IGSF10: variants seen among roughly 807,000 people sequenced by gnomAD.
IGSF10 encodes the protein immunoglobulin superfamily member 10, also known as calvaria mechanical force protein 608.
In IGSF10, 126 loss-of-function variants were observed where a neutral mutation model predicts 128.2. The ratio of observed to expected loss-of-function variants is 0.98; its 90% CI spans 0.85 to 1.14. The LOEUF (loss-of-function observed/expected upper bound fraction) is 1.14, where lower values mean the gene tolerates loss of function less well. Ranked by LOEUF, IGSF10 falls within the 50% of genes most tolerant of loss-of-function variation. The probability of loss-of-function intolerance (pLI) is 0.00; values close to 1 mark genes in which losing one functional copy is unlikely to be tolerated. For synonymous variants in IGSF10, 1,185 were observed against 1,146.2 expected (o/e 1.03, Z -0.68); for missense variants, 3,295 against 3,149.8 (o/e 1.05, Z -1.10).
chr3:151,615,470 T>C, the IGSF10 span, among the ~76,000 whole-genome samples: 1 of 152,200 alleles, frequency 6.6e-6, no homozygotes, highest in Admixed American at 6.5e-5. Flanking sequence ...CTTAATTACT[T>C]TACTCTTCTT....
At chr3:151,490,358 T>C in the IGSF10 span, among the ~76,000 whole-genome samples, 1 of 152,168 alleles carries the variant, frequency 6.6e-6, no homozygotes, top group Non-Finnish European at 1.5e-5. Context: ...GCACCCAACA[T>C]TGTAGAACCT....
the IGSF10 span, among the ~76,000 whole-genome samples, chr3:151,512,772 C>T: frequency 7.2e-5 from 11 of 152,008 alleles, no homozygotes; most frequent in Admixed American, 2.0e-4. Context: ...TAAAAAATGA[C>T]AAAGGGGATA....
chr3:151,562,866 T>C, the IGSF10 span, among the ~76,000 whole-genome samples: 275 of 152,194 alleles, frequency 1.8e-3, 2 homozygotes, highest in East Asian at 0.03. Flanking sequence ...AGTGGTCGGA[T>C]GGACAGGAAA....
At chr3:151,565,632 T>TA in the IGSF10 span, among the ~76,000 whole-genome samples, 2 of 152,102 alleles carry the variant, frequency 1.3e-5, no homozygotes, top group Non-Finnish European at 1.5e-5. Context: ...GGGGAAGTTA[T>TA]AAAAACAAAC....
rs1720209168 is a variant in IGSF10 at position 151,436,367 on chromosome 3, T to G, written c.*322A>C. 4.5e-6 allele frequency: 1 copy of G among 224,008 alleles called. No individual in the cohort carries two copies. Among genetic ancestry groups the G allele is most frequent in the African/African-American group, 2.3e-5 (1 of 42,700 alleles). 13.9% of individuals were successfully genotyped at this position (224,008 alleles called of 1,614,324 possible). On this transcript the variant is annotated 3_prime_UTR_variant, in exon 8 of 8. Transcript: ENST00000282466. The stretch of plus-strand genomic sequence containing the variant: ...GAGGTGGACACTAGGCAACTGGTAT[T>G]AGAAGTTCATTTTTTTACTGAAAAA...
the IGSF10 span, among the ~76,000 whole-genome samples, chr3:151,553,569 T>C: frequency 6.6e-6 from 1 of 151,976 alleles, no homozygotes; most frequent in Admixed American, 6.6e-5. Flanking sequence ...TCTTATAATG[T>C]ATATCATGAC....
chr3:151,435,431 T>TAAG (rs1467321083), downstream of IGSF10: 1 of 151,808 alleles, frequency 6.6e-6, no homozygotes, highest in East Asian at 2.0e-4. Flanking sequence ...ACATCAGACA[T>TAAG]AAGTTGCAAC....
chr3:151,487,884 G>A, the IGSF10 span, among the ~76,000 whole-genome samples: 1 of 152,130 alleles, frequency 6.6e-6, no homozygotes, highest in Non-Finnish European at 1.5e-5. Flanking sequence ...TACTGAATGG[G>A]CAAAAACTGG....
At chr3:151,603,925 C>T in the IGSF10 span, among the ~76,000 whole-genome samples, 3 of 152,168 alleles carry the variant, frequency 2.0e-5, no homozygotes, top group Non-Finnish European at 4.4e-5. Context: ...CGAGACTGTC[C>T]TTTTTTCCTG....
At position 151,443,637 on chromosome 3, in the gene IGSF10, T is replaced by TTCTGC. The variant is rs1720997550; in HGVS notation, c.5305_5309dup (p.Gly1771GlnfsTer31). 1 of 1,614,110 alleles carries TTCTGC rather than the reference T, an allele frequency of 6.2e-7. No homozygotes were observed. Among genetic ancestry groups the TTCTGC allele is most frequent in the Non-Finnish European group, 8.5e-7 (1 of 1,180,034 alleles). Reference sequence around the variant, plus strand: ...AGGTAACTGTAGGGCTTGGCCTACCTTCTGCTCTGCACTTCAGTTCCACAG... The same window carrying TTCTGC: ...AGGTAACTGTAGGGCTTGGCCTACCTTCTGCTCTGCTCTGCACTTCAGTTCCACAG... On this transcript the variant is annotated frameshift_variant, in exon 7 of 8. Transcript: ENST00000282466. LOFTEE classifies it high-confidence loss of function.
At chr3:151,537,154 G>T in the IGSF10 span, among the ~76,000 whole-genome samples, 1 of 152,130 alleles carries the variant, frequency 6.6e-6, no homozygotes, top group African/African-American at 2.4e-5. Flanking sequence ...CCTCCCTAAA[G>T]TTGGGCACAT....
At chr3:151,576,270 G>A in the IGSF10 span, among the ~76,000 whole-genome samples, 551 of 151,750 alleles carry the variant, frequency 3.6e-3, 18 homozygotes, top group East Asian at 0.073. Context: ...CAAAATATCC[G>A]TTTTTTGGTC....
chr3:151,602,753 C>T, the IGSF10 span, among the ~76,000 whole-genome samples: 1 of 152,078 alleles, frequency 6.6e-6, no homozygotes, highest in Non-Finnish European at 1.5e-5. Context: ...CATCTTTGCT[C>T]TTTTAAGTGG....
At chr3:151,484,176 G>A in the IGSF10 span, among the ~76,000 whole-genome samples, 2 of 152,238 alleles carry the variant, frequency 1.3e-5, no homozygotes, top group African/African-American at 4.8e-5. Flanking sequence ...TATAAACAAA[G>A]CCGCTTGGAA....
At chr3:151,442,105 G>A (rs1720892602) in intron 7 of IGSF10, among the ~76,000 whole-genome samples, 1 of 152,184 alleles carries the variant, frequency 6.6e-6, no homozygotes, top group Non-Finnish European at 1.5e-5. Context: ...CAGAGAAAGT[G>A]TGTATTTGTA....
chr3:151,546,310 G>A, the IGSF10 span, among the ~76,000 whole-genome samples: 1 of 151,648 alleles, frequency 6.6e-6, no homozygotes, highest in African/African-American at 2.4e-5. Context: ...CCACCAACAA[G>A]AGCAACTGAT....
the IGSF10 span, among the ~76,000 whole-genome samples, chr3:151,577,206 T>G: frequency 1.3e-5 from 2 of 152,212 alleles, no homozygotes; most frequent in South Asian, 4.1e-4. Context: ...AGATTTTTAT[T>G]TCTGGTAGTT....
chr3:151,530,918 G>C, the IGSF10 span, among the ~76,000 whole-genome samples: 1 of 150,444 alleles, frequency 6.6e-6, no homozygotes, highest in Non-Finnish European at 1.5e-5. Flanking sequence ...ACACAGACTG[G>C]TCTGCATGCT....
the IGSF10 span, among the ~76,000 whole-genome samples, chr3:151,590,532 A>G: frequency 6.6e-6 from 1 of 152,192 alleles, no homozygotes; most frequent in African/African-American, 2.4e-5. Context: ...AAACATTTTG[A>G]TATATATCAC....
Sources: gnomAD v4.1 joint callset for allele counts (sites outside exome capture counted in the v4.1 genomes callset) on GRCh38, gnomAD v4.1.1 for gene constraint, MANE v1.5 for transcripts, NCBI Gene and HGNC (gene_info 2026-07-23, HGNC 2026-07-21) for gene names.